The following DLC1 variants were observed in gnomAD, a reference collection of about 807,000 sequenced individuals.
DLC1 encodes the protein DLC1 Rho GTPase activating protein.
A neutral mutation model predicts 140.3 loss-of-function variants in DLC1; 54 were observed. The ratio of observed to expected loss-of-function variants is 0.38; its 90% CI spans 0.31 to 0.48. DLC1 has a LOEUF of 0.48. DLC1 is among the 20% of genes least tolerant of loss of function. The probability of loss-of-function intolerance (pLI) is 0.96; values close to 1 mark genes in which losing one functional copy is unlikely to be tolerated. For synonymous variants in DLC1, 986 were observed against 728.1 expected (o/e 1.35, Z -5.70); for missense variants, 2,536 against 1,907.0 (o/e 1.33, Z -6.14).
chr8:13,386,013 A>G lies in DLC1; in HGVS notation c.1314+7540T>C, dbSNP rs112026975. Among the ~76,000 whole-genome samples the G allele has an allele frequency of 3.2e-3, 489 of 152,328 alleles. 1 individual carries two copies. The highest frequency in any genetic ancestry group is 5.0e-3 in the South Asian group (24 of 4,832). The stretch of plus-strand genomic sequence containing the variant: ...GCTATGAATTATACTCTTGGTTGCT[A>G]TGATGTGGCATGCTGTTGGCTTGCC... On this transcript the variant is annotated intron_variant, in intron 4 of 17. Transcript: ENST00000276297.
chr8:13,133,209 G>C lies in DLC1; in HGVS notation c.1349-17552C>G, dbSNP rs563675630. 59 of 1,422,260 alleles carry C rather than the reference G, an allele frequency of 4.1e-5. No individual in the cohort carries two copies. In the African/African-American group the frequency reaches 8.2e-4, roughly 20 times the overall value. 88.1% of individuals were successfully genotyped at this position (1,422,260 alleles called of 1,614,324 possible). ...AGGGAGTTGGGCGAGAAGTCCGTGAGCCGGCGCTCCTGATGCGGAGAGGTG... is the reference window on the plus strand; with the variant it reads ...AGGGAGTTGGGCGAGAAGTCCGTGACCCGGCGCTCCTGATGCGGAGAGGTG... On this transcript the variant is annotated intron_variant, in intron 5 of 17. Transcript: ENST00000276297.
At chr8:13,283,214 T>C (rs1831425486) in intron 5 of DLC1, among the ~76,000 whole-genome samples, 1 of 152,018 alleles carries the variant, frequency 6.6e-6, no homozygotes, top group African/African-American at 2.4e-5. Context: ...ACTCAAAAGA[T>C]TGCAGTGTCA....
chr8:13,382,529 A>AAAAAAAAAAG (rs557423876), intron 4 of DLC1, among the ~76,000 whole-genome samples: 1 of 109,456 alleles, frequency 9.1e-6, no homozygotes, highest in Non-Finnish European at 1.8e-5. Context: ...AAAAAAAAAA[A>AAAAAAAAAAG]AAAGAAAGAG....
chr8:13,524,559 T>C (rs1802861743), intron 1 of DLC1, among the ~76,000 whole-genome samples: 1 of 152,212 alleles, frequency 6.6e-6, no homozygotes, highest in African/African-American at 2.4e-5. Flanking sequence ...CATAGTCATC[T>C]GCATGATTTT....
At chr8:13,105,058 T>C (rs765328429) in intron 7 of DLC1, among the ~76,000 whole-genome samples, 1 of 152,208 alleles carries the variant, frequency 6.6e-6, no homozygotes, top group Non-Finnish European at 1.5e-5. Context: ...TTGACTTCAT[T>C]TGGGCTTTAA....
intron 2 of DLC1, among the ~76,000 whole-genome samples, chr8:13,402,390 T>C (rs1837336489): frequency 6.6e-6 from 1 of 152,152 alleles, no homozygotes; most frequent in South Asian, 2.1e-4. Context: ...TCAAGTCAAT[T>C]AGTTCTAGGA....
At chr8:13,377,178 T>C (rs1836033180) in intron 4 of DLC1, among the ~76,000 whole-genome samples, 1 of 152,214 alleles carries the variant, frequency 6.6e-6, no homozygotes, top group Non-Finnish European at 1.5e-5. Flanking sequence ...GGCAGCATCT[T>C]ATTTCTGTTT....
At chr8:13,407,996 T>A (rs1477367917) in intron 2 of DLC1, among the ~76,000 whole-genome samples, 1 of 152,184 alleles carries the variant, frequency 6.6e-6, no homozygotes, top group Non-Finnish European at 1.5e-5. Flanking sequence ...AAATCTCTTT[T>A]TTTAGAGCAG....
chr8:13,282,122 T>G (rs992187125), intron 5 of DLC1, among the ~76,000 whole-genome samples: 4 of 152,230 alleles, frequency 2.6e-5, no homozygotes, highest in African/African-American at 9.6e-5. Context: ...CTGGGCTAGA[T>G]GGTCTCATTC....
Position 13,584,210 on chromosome 8 carries a change from C to T in DLC1, c.-126+20327G>A, listed in dbSNP as rs115504487. The T allele has an allele frequency of 9.6e-3, 1,472 of 153,422 alleles. 21 individuals carry two copies. The highest frequency in any genetic ancestry group is 0.033 in the African/African-American group (1,390 of 41,554). 9.5% of individuals were successfully genotyped at this position (153,422 alleles called of 1,614,324 possible). A position where few individuals can be genotyped will look rare whatever the true frequency, so the allele number is the denominator to read the frequency against. On this transcript the variant is annotated intron_variant, in intron 1 of 1. Transcript: ENST00000631382. ...GGCTGGATCTAGACAGTGCGAACTG[C>T]TGAACTTACCCAACCTGCAGCTTCC...
At chr8:13,455,490 C>T (rs1799340795) in intron 2 of DLC1, among the ~76,000 whole-genome samples, 2 of 152,122 alleles carry the variant, frequency 1.3e-5, no homozygotes, top group South Asian at 4.1e-4. Flanking sequence ...ACACCTGCAT[C>T]CCCAGCTTCC....
At chr8:13,172,491 C>G (rs557185421) in intron 5 of DLC1, among the ~76,000 whole-genome samples, 19 of 152,274 alleles carry the variant, frequency 1.2e-4, no homozygotes, top group African/African-American at 4.3e-4. Flanking sequence ...TACATAAACT[C>G]AGATCAAGGC....
chr8:13,565,135 T>C (rs1171047821), intron 1 of DLC1, among the ~76,000 whole-genome samples: 2 of 152,190 alleles, frequency 1.3e-5, no homozygotes, highest in East Asian at 3.8e-4. Context: ...TGTAAAACTG[T>C]CCACTGGGTC....
chr8:13,219,884 A>G (rs1476479380), intron 5 of DLC1, among the ~76,000 whole-genome samples: 1 of 152,208 alleles, frequency 6.6e-6, no homozygotes, highest in Non-Finnish European at 1.5e-5. Flanking sequence ...ACATGGATGA[A>G]TTGAGACCAT....
chr8:13,577,366 G>A (rs1438073425), intron 1 of DLC1, among the ~76,000 whole-genome samples: 5 of 152,136 alleles, frequency 3.3e-5, no homozygotes, highest in African/African-American at 9.7e-5. Flanking sequence ...CGTGTCCACA[G>A]AACATGTTTT....
chr8:13,297,013 G>A (rs1831984053), intron 5 of DLC1, among the ~76,000 whole-genome samples: 1 of 151,762 alleles, frequency 6.6e-6, no homozygotes, highest in Non-Finnish European at 1.5e-5. Flanking sequence ...AATACCAACA[G>A]AAAATGAAGA....
intron 5 of DLC1, among the ~76,000 whole-genome samples, chr8:13,272,590 G>C (rs146087123): frequency 6.6e-6 from 1 of 151,950 alleles, no homozygotes; most frequent in East Asian, 1.9e-4. Context: ...GGCTGGGTGC[G>C]GTGGCTCATG....
chr8:13,587,186 A>G (rs1024408649), intron 1 of DLC1, among the ~76,000 whole-genome samples: 1 of 151,752 alleles, frequency 6.6e-6, no homozygotes, highest in African/African-American at 2.4e-5. Flanking sequence ...TTTTATTAGA[A>G]TAGATAAAAT....
At chr8:13,351,206 A>T (rs749687156) in intron 4 of DLC1, among the ~76,000 whole-genome samples, 1 of 152,232 alleles carries the variant, frequency 6.6e-6, no homozygotes, top group African/African-American at 2.4e-5. Flanking sequence ...CACAGTCCTA[A>T]GTGCTTTATA....
Sources: gnomAD v4.1 joint callset for allele counts (sites outside exome capture counted in the v4.1 genomes callset) on GRCh38, gnomAD v4.1.1 for gene constraint, MANE v1.5 for transcripts, NCBI Gene and HGNC (gene_info 2026-07-23, HGNC 2026-07-21) for gene names.